Variants in MYO5B observed in about 807,000 individuals in gnomAD.
MYO5B encodes the protein unconventional myosin-Vb.
Under a neutral mutation model 229.3 loss-of-function variants are expected in MYO5B, and 143 were observed. The ratio of observed to expected loss-of-function variants is 0.62; its 90% confidence interval spans 0.54 to 0.72. The LOEUF (loss-of-function observed/expected upper bound fraction) is 0.72, where lower values mean the gene tolerates loss of function less well. Ranked by LOEUF, MYO5B falls within the 30% of genes least tolerant of loss-of-function variation. The pLI is 0.00. For missense variants in MYO5B, 2,321 were observed against 2,331.0 expected, an observed-to-expected ratio of 1.00 and a Z score of 0.09; for synonymous variants, 918 against 885.2, an observed-to-expected ratio of 1.04 and a Z score of -0.66.
At chr18:50,010,201 T>C (rs2026147066) in intron 4 of MYO5B, among the ~76,000 whole-genome samples, 1 of 152,256 alleles carries the variant, frequency 6.6e-6, no homozygotes, top group African/African-American at 2.4e-5. Flanking sequence ...CAATATCATT[T>C]TCCCACTTCA....
intron 1 of MYO5B, among the ~76,000 whole-genome samples, chr18:50,154,544 T>A (rs985883266): frequency 1.3e-5 from 2 of 152,234 alleles, no homozygotes; most frequent in Non-Finnish European, 2.9e-5. Flanking sequence ...TCCTCAATTG[T>A]GTAATATCCT....
intron 27 of MYO5B, among the ~76,000 whole-genome samples, chr18:49,868,031 A>C (rs2144087190): frequency 6.6e-6 from 1 of 152,330 alleles, no homozygotes. Context: ...ATAAAATTTT[A>C]ATCAACCATG....
rs1299711218 is a variant in MYO5B at position 50,029,249 on chromosome 18, G to A, written c.455+7601C>T. Among the ~76,000 whole-genome samples, 3 of 152,200 alleles carry A rather than the reference G, an allele frequency of 2.0e-5. No homozygotes were observed. The East Asian group carries it at 5.8e-4, about 29-fold the overall frequency. ...GATAGGTGTGCACTGGCATGGCTGTGCAGGAGGTCACAGAACGAGAGACCC... is the reference window on the plus strand; with the variant it reads ...GATAGGTGTGCACTGGCATGGCTGTACAGGAGGTCACAGAACGAGAGACCC... On this transcript the variant is annotated intron_variant, in intron 4 of 39. Transcript: ENST00000285039.
chr18:49,878,339 T>A (rs2024549523), intron 24 of MYO5B, among the ~76,000 whole-genome samples: 1 of 152,232 alleles, frequency 6.6e-6, no homozygotes. Flanking sequence ...TACTTTTTTT[T>A]TTCCTGCATC....
chr18:50,042,750 G>C (rs1294372210), intron 2 of MYO5B, among the ~76,000 whole-genome samples: 2 of 152,182 alleles, frequency 1.3e-5, no homozygotes, highest in African/African-American at 4.8e-5. Flanking sequence ...CCCCGGACCT[G>C]AGAGAGCACA....
At chr18:50,049,489 T>C (rs187637580) in intron 2 of MYO5B, among the ~76,000 whole-genome samples, 313 of 152,352 alleles carry the variant, frequency 2.1e-3, no homozygotes, top group Non-Finnish European at 3.3e-3. Flanking sequence ...GTCAGAACCA[T>C]AGAGCCACAG....
At chr18:50,153,056 T>A (rs1014061936) in intron 1 of MYO5B, among the ~76,000 whole-genome samples, 1 of 152,192 alleles carries the variant, frequency 6.6e-6, no homozygotes, top group African/African-American at 2.4e-5. Flanking sequence ...GGCTGTCTTA[T>A]TGACATAGCT....
At chr18:50,137,165 C>T (rs1221418524) in intron 1 of MYO5B, among the ~76,000 whole-genome samples, 1 of 152,220 alleles carries the variant, frequency 6.6e-6, no homozygotes, top group East Asian at 1.9e-4. Flanking sequence ...CAGTTTATTT[C>T]ACATACAATC....
At chr18:50,026,129 G>A (rs936874243) in intron 4 of MYO5B, among the ~76,000 whole-genome samples, 1 of 152,176 alleles carries the variant, frequency 6.6e-6, no homozygotes, top group Non-Finnish European at 1.5e-5. Context: ...ATTCACTACT[G>A]CAAGCACCAG....
intron 14 of MYO5B, among the ~76,000 whole-genome samples, chr18:49,940,790 T>C (rs2025305094): frequency 6.6e-6 from 1 of 152,244 alleles, no homozygotes; most frequent in East Asian, 1.9e-4. Context: ...AACACTTCAC[T>C]ATCACAGTGG....
In MYO5B at chr18:49,848,365, C is replaced by T. The variant is rs549868605; in HGVS notation, c.4316-1076G>A. Among the ~76,000 whole-genome samples the T allele has an allele frequency of 1.1e-4, 16 of 151,050 alleles. No homozygotes were observed. In the South Asian group the frequency reaches 3.0e-3, roughly 28 times the overall value. ...CCCACAGAAGAGGTGGGATGAAGGG[C>T]GGGTGGGACTCTTACATCCAGGTTC... On this transcript the variant is annotated intron_variant, in intron 32 of 39. Coordinates refer to ENST00000285039, the MANE Select transcript of MYO5B (RefSeq NM_001080467.3).
intron 9 of MYO5B, among the ~76,000 whole-genome samples, chr18:49,979,334 C>T (rs978020774): frequency 2.0e-5 from 3 of 152,208 alleles, no homozygotes; most frequent in African/African-American, 2.4e-5. Context: ...AAGGCTCTCA[C>T]GAGGCTGCAG....
chr18:50,098,243 A>T (rs369484238), intron 1 of MYO5B, among the ~76,000 whole-genome samples: 33 of 152,338 alleles, frequency 2.2e-4, no homozygotes, highest in African/African-American at 7.9e-4. Context: ...AGATTCGTGG[A>T]AACACTATGT....
intron 23 of MYO5B, 99 bp downstream of exon 23, chr18:49,880,272 C>G (rs139307032): frequency 1.0e-5 from 10 of 984,274 alleles, no homozygotes; most frequent in African/African-American, 3.2e-5. Context: ...CCCACTGTAG[C>G]CTCTAGTCTA....
chr18:50,081,028 A>G (rs1306137324), intron 1 of MYO5B, among the ~76,000 whole-genome samples: 1 of 152,222 alleles, frequency 6.6e-6, no homozygotes, highest in Non-Finnish European at 1.5e-5. Context: ...TCATGCCGCT[A>G]GTAGCAAGCT....
At chr18:50,014,773 G>A (rs943000209) in intron 4 of MYO5B, among the ~76,000 whole-genome samples, 1 of 152,208 alleles carries the variant, frequency 6.6e-6, no homozygotes, top group Non-Finnish European at 1.5e-5. Context: ...CGGCCCCAAG[G>A]GAATGAAGGT....
In MYO5B at chr18:49,905,003, G is replaced by A. The variant is rs185143948; in HGVS notation, c.2415-175C>T. ...AAATGTAGCAATGCCTTAGGCATTTGACGTTGTGGCTAGAAAAGCAGTGTT... is the reference window on the plus strand; with the variant it reads ...AAATGTAGCAATGCCTTAGGCATTTAACGTTGTGGCTAGAAAAGCAGTGTT... On this transcript the variant is annotated intron_variant, in intron 19 of 39. Transcript: ENST00000285039. Among the ~76,000 whole-genome samples the A allele has an allele frequency of 4.6e-5, 7 of 152,332 alleles. No individual in the cohort carries two copies. In the East Asian group the frequency reaches 1.2e-3, roughly 25 times the overall value.
intron 9 of MYO5B, among the ~76,000 whole-genome samples, chr18:49,979,285 C>A (rs1170394188): frequency 2.0e-5 from 3 of 152,218 alleles, no homozygotes; most frequent in Admixed American, 6.5e-5. Context: ...CCAGCACCAA[C>A]ACCTCCTCCT....
At chr18:50,041,671 TAAA>T (rs1307127445) in intron 2 of MYO5B, among the ~76,000 whole-genome samples, 1 of 151,870 alleles carries the variant, frequency 6.6e-6, no homozygotes, top group African/African-American at 2.4e-5. Flanking sequence ...GAACAAACAT[TAAA>T]AAAAAATTTT....
Sources: gnomAD v4.1 joint callset for allele counts (sites outside exome capture counted in the v4.1 genomes callset) on GRCh38, gnomAD v4.1.1 for gene constraint, MANE v1.5 for transcripts, NCBI Gene and HGNC (gene_info 2026-07-23, HGNC 2026-07-21) for gene names.